The following IL15 variants were observed in gnomAD, a reference collection of about 807,000 sequenced individuals.
IL15 encodes interleukin 15.
In IL15, 11 loss-of-function variants were observed where a neutral mutation model predicts 19.6. The observed-to-expected ratio is 0.56, with a 90% CI of 0.35 to 0.93. IL15 has a LOEUF of 0.93. Among genes scored for constraint, IL15 ranks in the 40% least tolerant of loss-of-function variants. IL15 has a pLI of 0.01. For missense variants in IL15, 197 were observed against 186.5 expected, an observed-to-expected ratio of 1.06 and a Z score of -0.33; for synonymous variants, 58 against 59.6, an observed-to-expected ratio of 0.97 and a Z score of 0.12.
At chr4:141,676,533 A>G (rs1277384654) in intron 2 of IL15, among the ~76,000 whole-genome samples, 1 of 152,196 alleles carries the variant, frequency 6.6e-6, no homozygotes. Context: ...CTCATTACAC[A>G]TGGTACTTTA....
At chr4:141,637,049 G>C (rs542344932) in intron 1 of IL15, 2 of 152,364 alleles carry the variant, frequency 1.3e-5, no homozygotes, top group South Asian at 4.1e-4. Context: ...GCGCTCTTAC[G>C]GCGTTCCAGG....
At chr4:141,718,581 G>A (rs1294867322) in intron 2 of IL15, 2 of 152,106 alleles carry the variant, frequency 1.3e-5, no homozygotes, top group Non-Finnish European at 2.9e-5. Context: ...CTAAATAAGT[G>A]TTAGCTTTTT....
chr4:141,674,262 C>T (rs998851877), intron 2 of IL15, among the ~76,000 whole-genome samples: 1 of 152,112 alleles, frequency 6.6e-6, no homozygotes, highest in African/African-American at 2.4e-5. Context: ...CCAGACAGAA[C>T]CTTCTGTGTG....
chr4:141,684,404 A>G (rs1230190452), intron 2 of IL15, among the ~76,000 whole-genome samples: 2 of 152,190 alleles, frequency 1.3e-5, no homozygotes, highest in Non-Finnish European at 2.9e-5. Flanking sequence ...GTATTTAATT[A>G]CTGACTAATC....
At chr4:141,727,763 G>C (rs891504674) in intron 5 of IL15, among the ~76,000 whole-genome samples, 177 bp from the exon 6 acceptor site, 6 of 152,052 alleles carry the variant, frequency 3.9e-5, no homozygotes, top group African/African-American at 1.4e-4. Flanking sequence ...ACTGGGAGAA[G>C]CTTGTTGAAG....
chr4:141,641,786 C>T (rs1727053246), intron 1 of IL15, among the ~76,000 whole-genome samples: 1 of 149,926 alleles, frequency 6.7e-6, no homozygotes, highest in African/African-American at 2.4e-5. Context: ...CGCATGTATA[C>T]ATATGTAACA....
chr4:141,683,834 G>A (rs1728621316), intron 2 of IL15, among the ~76,000 whole-genome samples: 1 of 152,152 alleles, frequency 6.6e-6, no homozygotes, highest in South Asian at 2.1e-4. Context: ...ATGTTCTGGG[G>A]AAAAATGGCA....
intron 2 of IL15, among the ~76,000 whole-genome samples, chr4:141,664,648 A>T (rs2152163898): frequency 6.6e-6 from 1 of 152,290 alleles, no homozygotes; most frequent in East Asian, 1.9e-4. Context: ...TTGTTATTTG[A>T]TTTTATTTAA....
intron 2 of IL15, among the ~76,000 whole-genome samples, chr4:141,672,660 A>G (rs1302847016): frequency 6.6e-6 from 1 of 152,208 alleles, no homozygotes; most frequent in Non-Finnish European, 1.5e-5. Flanking sequence ...CAAGAATCCT[A>G]CTTTGAAAAA....
chr4:141,648,908 T>C (rs1207652458), intron 1 of IL15, among the ~76,000 whole-genome samples: 1 of 152,102 alleles, frequency 6.6e-6, no homozygotes, highest in Non-Finnish European at 1.5e-5. Context: ...TGGATATTTA[T>C]TGATCACTTT....
intron 2 of IL15, among the ~76,000 whole-genome samples, chr4:141,662,123 A>G (rs1270048625): frequency 2.0e-5 from 3 of 152,238 alleles, no homozygotes; most frequent in Admixed American, 1.3e-4. Context: ...TAGGCCCAAC[A>G]TATGGTTAAT....
At chr4:141,637,124 C>A (rs1359210826) in intron 1 of IL15, 1 of 152,280 alleles carries the variant, frequency 6.6e-6, no homozygotes, top group African/African-American at 2.4e-5. Context: ...GGACGCGCGT[C>A]TGGCGGCCCC....
At chr4:141,661,473 G>C (rs1560906422) in intron 2 of IL15, among the ~76,000 whole-genome samples, 2 of 152,172 alleles carry the variant, frequency 1.3e-5, no homozygotes, top group South Asian at 4.1e-4. Flanking sequence ...AGCTGGAGGA[G>C]CTCAGAGATG....
chr4:141,666,444 C>T (rs1428389410), intron 2 of IL15, among the ~76,000 whole-genome samples: 1 of 152,188 alleles, frequency 6.6e-6, no homozygotes, highest in Non-Finnish European at 1.5e-5. Context: ...CAGCCTTGAC[C>T]TCCGGGACTC....
chr4:141,726,346 G>A (rs1730264340), intron 5 of IL15, among the ~76,000 whole-genome samples: 1 of 152,036 alleles, frequency 6.6e-6, no homozygotes, highest in African/African-American at 2.4e-5. Context: ...AGAAAGTAAT[G>A]CAAATTAAAA....
At chr4:141,654,131 A>G (rs1021763283) in intron 1 of IL15, among the ~76,000 whole-genome samples, 3 of 152,206 alleles carry the variant, frequency 2.0e-5, no homozygotes, top group Admixed American at 2.0e-4. Context: ...ACCTGATGGA[A>G]GTAAGGGCAG....
chr4:141,681,589 C>G (rs375679932), intron 2 of IL15, among the ~76,000 whole-genome samples: 1 of 152,092 alleles, frequency 6.6e-6, no homozygotes, highest in Admixed American at 6.5e-5. Context: ...ATATTCAGTT[C>G]TAGCATGACA....
At chr4:141,683,694 T>C (rs17007535) in intron 2 of IL15, among the ~76,000 whole-genome samples, 3,077 of 152,308 alleles carry the variant, frequency 0.02, 107 homozygotes, top group African/African-American at 0.069. Flanking sequence ...CTCACTTTTA[T>C]CTTGTCCATA....
intron 2 of IL15, among the ~76,000 whole-genome samples, chr4:141,685,199 C>T (rs922424628): frequency 6.6e-6 from 1 of 152,064 alleles, no homozygotes; most frequent in Admixed American, 6.5e-5. Context: ...GGTCCTAGGA[C>T]CCCCCTAGAG....
Sources: allele counts gnomAD v4.1 joint callset (sites outside exome capture counted in the v4.1 genomes callset), GRCh38; gene constraint gnomAD v4.1.1; transcripts MANE v1.5; gene names NCBI Gene and HGNC (gene_info 2026-07-23, HGNC 2026-07-21).